THY1: variants seen among roughly 807,000 people sequenced by gnomAD.
THY1 encodes thy-1 membrane glycoprotein.
A neutral mutation model predicts 14.9 loss-of-function variants in THY1; 10 were observed. The ratio of observed to expected loss-of-function variants is 0.67; its 90% CI spans 0.41 to 1.14. The LOEUF (loss-of-function observed/expected upper bound fraction) is 1.14, where lower values mean the gene tolerates loss of function less well. Among genes scored for constraint, THY1 ranks in the 50% most tolerant of loss-of-function variants. The pLI, the probability that THY1 is intolerant of heterozygous loss-of-function variation, is 0.00. For synonymous variants in THY1, 80 were observed against 90.0 expected (o/e 0.89, Z 0.63); for missense variants, 159 against 202.1 (o/e 0.79, Z 1.29).
chr11:119,419,940 G>T, intron 3 of THY1, 111 bp downstream of exon 3: 2 of 1,188,344 alleles, frequency 1.7e-6, no homozygotes, highest in Non-Finnish European at 2.3e-6. Flanking sequence ...GTTGGGAGAG[G>T]GTGAGAGCGT....
In THY1 at chr11:119,422,048, G is replaced by A. The variant is rs1861914131; in HGVS notation, c.-25+1065C>T. 1.3e-5 allele frequency: 2 copies of A among 152,316 alleles called. No individual in the cohort carries two copies. Among genetic ancestry groups the A allele is most frequent in the African/African-American group, 4.8e-5 (2 of 41,470 alleles). The allele number at this position is 152,316 out of a possible 1,614,324, so 9.4% of individuals were successfully genotyped here. A position where few individuals can be genotyped will look rare whatever the true frequency, so the allele number is the denominator to read the frequency against. On this transcript the variant is annotated intron_variant, in intron 1 of 3. Transcript: ENST00000284240. This position sits in a 1 kb window ranked among gnomAD's most constrained non-coding sequence, Gnocchi z 7.0. ...TGCTCGCCCAGGAGAGGCCACAGAA[G>A]GGGCGTGCACCCGCGAGAGCGCGCA...
rs1861929497 is a variant in THY1, at chr11:119,422,612, G to A, written c.-25+501C>T. ...TCCTTTTCCAGCTCTCCCCTCCCCC[G>A]TCCGCCCGCCTTCCACCCAGTCCCC... On this transcript the variant is annotated intron_variant, in intron 1 of 3. Coordinates refer to ENST00000284240, the MANE Select transcript of THY1 (RefSeq NM_006288.5). This position sits in a 1 kb window ranked among gnomAD's most constrained non-coding sequence, Gnocchi z 7.0. 3 of 146,480 alleles carry A rather than the reference G, an allele frequency of 2.0e-5. No individual in the cohort carries two copies. The highest frequency in any genetic ancestry group is 1.4e-5 in the Non-Finnish European group (1 of 70,602). 9.1% of individuals were successfully genotyped at this position (146,480 alleles called of 1,614,324 possible). A position where few individuals can be genotyped will look rare whatever the true frequency, so the allele number is the denominator to read the frequency against.
Position 119,419,204 on chromosome 11 carries a change from A to G in THY1, c.*204T>C. ...TCTGGAACAAAAAGTACAAAAAGACAGCCAGAGGTGTGCGGAGAGGGTGAG... is the reference window on the plus strand; with the variant it reads ...TCTGGAACAAAAAGTACAAAAAGACGGCCAGAGGTGTGCGGAGAGGGTGAG... On this transcript the variant is annotated 3_prime_UTR_variant, in exon 4 of 4. Transcript: ENST00000284240. 6.3e-6 allele frequency: 4 copies of G among 630,386 alleles called. No homozygotes were observed. The highest frequency in any genetic ancestry group is 3.5e-5 in the South Asian group (2 of 57,184). The allele number at this position is 630,386 out of a possible 1,614,324, so 39.0% of individuals were successfully genotyped here.
At position 119,419,120 on chromosome 11, in the gene THY1, C is replaced by T; in HGVS notation, c.*288G>A. On this transcript the variant is annotated 3_prime_UTR_variant, in exon 4 of 4. Coordinates refer to ENST00000284240, the MANE Select transcript of THY1 (RefSeq NM_006288.5). ...TCAGGTCCCCAATCCTGGCTTCCCTCTTCACGAACTCTCAAAGAAAAGGAA... is the reference window on the plus strand; with the variant it reads ...TCAGGTCCCCAATCCTGGCTTCCCTTTTCACGAACTCTCAAAGAAAAGGAA... The T allele has an allele frequency of 2.5e-6, 1 of 400,612 alleles. No individual in the cohort carries two copies. Among genetic ancestry groups the T allele is most frequent in the Non-Finnish European group, 4.8e-6 (1 of 208,974 alleles). 24.8% of individuals were successfully genotyped at this position (400,612 alleles called of 1,614,324 possible).
Position 119,419,523 on chromosome 11 carries a change from G to T in THY1, c.374-3C>A. The T allele has an allele frequency of 6.2e-7, 1 of 1,612,244 alleles. No homozygotes were observed. The highest frequency in any genetic ancestry group is 8.5e-7 in the Non-Finnish European group (1 of 1,179,476). ...GCCCTCACACTTGACCAGTTTGTCT[G>T]CAGAAAGAGAAGGGGGCCGGGGGCA... On this transcript the variant is annotated splice_region_variant and splice_polypyrimidine_tract_variant and intron_variant, in intron 3 of 3. Transcript: ENST00000284240.
rs1381938878 is a variant in THY1 at position 119,416,655 on chromosome 11, A to G, written c.*2753T>C. ...ATGCCTGGCTAATTTTTGTATTTTT[A>G]GTAGAGATAGGGTTTCGAGGCTAGT... On this transcript the variant is annotated 3_prime_UTR_variant, in exon 4 of 4. Transcript: ENST00000284240. Among the ~76,000 whole-genome samples the G allele has an allele frequency of 6.6e-6, 1 of 152,048 alleles. No homozygotes were observed. Among genetic ancestry groups the G allele is most frequent in the African/African-American group, 2.4e-5 (1 of 41,392 alleles).
At chr11:119,421,171 A>T in intron 1 of THY1, 1 of 423,782 alleles carries the variant, frequency 2.4e-6, no homozygotes. Flanking sequence ...GCCATGGAGC[A>T]CTTACTAGCT....
At chr11:119,420,774 C>A (rs1253908177) in intron 2 of THY1, 95 bp downstream of exon 2, 6 of 1,465,026 alleles carry the variant, frequency 4.1e-6, no homozygotes, top group South Asian at 1.2e-5. Context: ...CTCTTTGTCA[C>A]CTGCGCTTTT....
chr11:119,418,966 GGC>G lies in THY1; in HGVS notation c.*440_*441del. ...GTCAGGACAGACCATGTCCGTGCTA[GGC>G]CCAGGCACAGCCCAACCACTCCTCA... On this transcript the variant is annotated 3_prime_UTR_variant, in exon 4 of 4. Coordinates refer to ENST00000284240, the MANE Select transcript of THY1 (RefSeq NM_006288.5). 2.0e-5 allele frequency: 6 copies of G among 296,210 alleles called. No homozygotes were observed. Among genetic ancestry groups the G allele is most frequent in the Admixed American group, 4.4e-5 (1 of 22,872 alleles). The allele number at this position is 296,210 out of a possible 1,614,324, so 18.3% of individuals were successfully genotyped here.
intron 3 of THY1, 36 bp downstream of exon 3, chr11:119,420,015 C>G: frequency 1.3e-6 from 2 of 1,584,264 alleles, no homozygotes; most frequent in Non-Finnish European, 1.7e-6. Context: ...GCCTGGCTCT[C>G]CCAGCTCACT....
At position 119,418,129 on chromosome 11, in the gene THY1, G is replaced by A. The variant is rs576756866; in HGVS notation, c.*1279C>T. The A allele has an allele frequency of 6.6e-6, 1 of 152,538 alleles. No homozygotes were observed. The highest frequency in any genetic ancestry group is 1.9e-4 in the East Asian group (1 of 5,206). The allele number at this position is 152,538 out of a possible 1,614,324, so 9.4% of individuals were successfully genotyped here. On this transcript the variant is annotated 3_prime_UTR_variant, in exon 4 of 4. Coordinates refer to ENST00000284240, the MANE Select transcript of THY1 (RefSeq NM_006288.5). ...ACCCGTGGAGACCCCAGCGAAGCGG[G>A]GGCAGGCAGGCACTGCTGGAGGAGC... is the stretch of plus-strand genomic sequence containing the variant.
rs1178101821 is a variant in THY1, at chr11:119,416,446, C to T, written c.*2962G>A. Among the ~76,000 whole-genome samples the T allele has an allele frequency of 6.6e-6, 1 of 152,160 alleles. No individual in the cohort carries two copies. Among genetic ancestry groups the T allele is most frequent in the Non-Finnish European group, 1.5e-5 (1 of 68,024 alleles). ...GCTGAAAGTCTGCGGGCTCCCAGTC[C>T]TCAGCATGGTCATTCCGGGTAGGTT... On this transcript the variant is annotated 3_prime_UTR_variant, in exon 4 of 4. Transcript: ENST00000284240.
In THY1 at chr11:119,420,395, A is replaced by AG. The variant is rs1306707932; in HGVS notation, c.38-10dup. ...TCGGGAGACCTGCAAGACTGGCACC[A>AG]GCAGTGCCTCCTTCAAACTGGAGGG... On this transcript the variant is annotated splice_polypyrimidine_tract_variant and intron_variant, in intron 2 of 3. Coordinates refer to ENST00000284240, the MANE Select transcript of THY1 (RefSeq NM_006288.5). 1 of 1,601,126 alleles carries AG rather than the reference A, an allele frequency of 6.2e-7. No individual in the cohort carries two copies. The highest frequency in any genetic ancestry group is 1.7e-5 in the Admixed American group (1 of 59,396).
At position 119,415,731 on chromosome 11, in the gene THY1, G is replaced by A. The variant is rs1452229244; in HGVS notation, c.*3677C>T. Among the ~76,000 whole-genome samples the A allele has an allele frequency of 1.3e-5, 2 of 152,136 alleles. No homozygotes were observed. The highest frequency in any genetic ancestry group is 2.9e-5 in the Non-Finnish European group (2 of 68,030). On this transcript the variant is annotated 3_prime_UTR_variant, in exon 4 of 4. Coordinates refer to ENST00000284240, the MANE Select transcript of THY1 (RefSeq NM_006288.5). ...TGCCGGGCAAAGATGCCTCCTGTGG[G>A]TCTGCACAGGACATGTTTCTCCTTG...
chr11:119,419,357 A>T lies in THY1; in HGVS notation c.*51T>A, dbSNP rs1485657817. The stretch of plus-strand genomic sequence containing the variant: ...GGGTCAGCTGACTCAGAGAAGTAGG[A>T]TCTCTGCACTGGAACTTGAGGCTTC... On this transcript the variant is annotated 3_prime_UTR_variant, in exon 4 of 4. Coordinates refer to ENST00000284240, the MANE Select transcript of THY1 (RefSeq NM_006288.5). 6 of 1,500,912 alleles carry T rather than the reference A, an allele frequency of 4.0e-6. No homozygotes were observed. The East Asian group carries it at 1.1e-4, about 29-fold the overall frequency. The allele number at this position is 1,500,912 out of a possible 1,614,324, so 93.0% of individuals were successfully genotyped here. A position where few individuals can be genotyped will look rare whatever the true frequency, so the allele number is the denominator to read the frequency against.
upstream of THY1, chr11:119,424,952 G>T (rs779843404): frequency 1.3e-5 from 2 of 152,208 alleles, no homozygotes; most frequent in African/African-American, 4.8e-5. Context: ...TCATGGCAGC[G>T]CACTCCTTCC....
rs180814479 is a variant in THY1 at position 119,420,727 on chromosome 11, C to T, written c.37+142G>A. ...ACCTCAGGCCGTCAGAATATCAGCG[C>T]GGTGGATTGGCTGACTTCAGGATGA... On this transcript the variant is annotated intron_variant, in intron 2 of 3. Transcript: ENST00000284240. 616 of 1,025,946 alleles carry T rather than the reference C, an allele frequency of 6.0e-4. 4 individuals carry two copies. The highest frequency in any genetic ancestry group is 2.6e-3 in the Admixed American group (123 of 48,108). 63.6% of individuals were successfully genotyped at this position (1,025,946 alleles called of 1,614,324 possible).
rs539319893 is a variant in THY1 at position 119,416,723 on chromosome 11, G to A, written c.*2685C>T. ...AAGCGATCCGCCTCTTCCCAAAGTGGTGGGATTACAGGCATGAGCCACTGT... is the reference window on the plus strand; with the variant it reads ...AAGCGATCCGCCTCTTCCCAAAGTGATGGGATTACAGGCATGAGCCACTGT... On this transcript the variant is annotated 3_prime_UTR_variant, in exon 4 of 4. Transcript: ENST00000284240. Among the ~76,000 whole-genome samples, 31 of 152,274 alleles carry A rather than the reference G, an allele frequency of 2.0e-4. No individual in the cohort carries two copies. Among genetic ancestry groups the A allele is most frequent in the Middle Eastern group, 3.4e-3 (1 of 294 alleles).
chr11:119,420,104 T>C lies in THY1; in HGVS notation c.320A>G (p.His107Arg). The change falls in exon 3 of 4, where the codon CAC becomes CGC. Residue 107 changes from histidine (H) to arginine (R), a missense_variant. Transcript: ENST00000284240. Reference sequence around the variant, plus strand: ...GATGGGTGGGGAATGGCCAGAGTGGTGGAGTGCACACGTGTAGGTGCCCTC... The same window carrying C: ...GATGGGTGGGGAATGGCCAGAGTGGCGGAGTGCACACGTGTAGGTGCCCTC... Reference protein sequence around the residue: ...KDEGTYTCALHHSGHSPPISS... With the variant: ...KDEGTYTCALRHSGHSPPISS... 2 of 1,614,216 alleles carry C rather than the reference T, an allele frequency of 1.2e-6. No individual in the cohort carries two copies. The highest frequency in any genetic ancestry group is 1.7e-6 in the Non-Finnish European group (2 of 1,180,038).
Sources: allele counts gnomAD v4.1 joint callset (sites outside exome capture counted in the v4.1 genomes callset), GRCh38; gene constraint gnomAD v4.1.1; non-coding constraint Gnocchi (gnomAD v3.1); transcripts MANE v1.5; gene names NCBI Gene and HGNC (gene_info 2026-07-23, HGNC 2026-07-21).